The following PAX7 variants were observed in gnomAD, a reference collection of about 807,000 sequenced individuals.
PAX7 encodes the protein paired box protein Pax-7.
PAX7 carries 18 observed loss-of-function variants against 50.7 expected under a neutral mutation model. That is an observed-to-expected ratio of 0.36 (90% CI 0.25 to 0.53). PAX7 has a LOEUF of 0.53. Among genes scored for constraint, PAX7 ranks in the 20% least tolerant of loss-of-function variants. PAX7 has a pLI of 0.93. For missense variants in PAX7, 644 were observed against 702.9 expected (o/e 0.92, Z 0.95); for synonymous variants, 310 against 290.4 (o/e 1.07, Z -0.69).
chr1:18,676,671 A>G lies in PAX7; in HGVS notation c.587-15083A>G, dbSNP rs528580397. ...GTCCTTCCCCTCCCCCACAGGAAGCAGATGATCTCAGGGTGTCCTGTAGCT... is the reference window on the plus strand; with the variant it reads ...GTCCTTCCCCTCCCCCACAGGAAGCGGATGATCTCAGGGTGTCCTGTAGCT... On this transcript the variant is annotated intron_variant, in intron 4 of 8. Coordinates refer to ENST00000420770, the MANE Select transcript of PAX7 (RefSeq NM_001135254.2). 2.2e-3 allele frequency among the ~76,000 whole-genome samples: 336 copies of G among 152,310 alleles called. 2 individuals carry two copies. Among genetic ancestry groups the G allele is most frequent in the African/African-American group, 7.7e-3 (320 of 41,568 alleles).
chr1:18,727,502 C>T (rs1454480879), intron 7 of PAX7, among the ~76,000 whole-genome samples: 1 of 152,062 alleles, frequency 6.6e-6, no homozygotes, highest in East Asian at 1.9e-4. Context: ...TAGCATCAGA[C>T]CAGAAGTCGA....
chr1:18,722,158 A>G (rs1396884527), intron 7 of PAX7, among the ~76,000 whole-genome samples: 1 of 152,194 alleles, frequency 6.6e-6, no homozygotes, highest in Non-Finnish European at 1.5e-5. Context: ...GCTTAGGATT[A>G]TGGGTGGCTG....
At chr1:18,653,696 G>A (rs145196158) in intron 4 of PAX7, among the ~76,000 whole-genome samples, 19 of 152,002 alleles carry the variant, frequency 1.2e-4, no homozygotes, top group Admixed American at 2.6e-4. Context: ...GGTTCTGAAC[G>A]TATCTGCCCC....
chr1:18,654,626 G>A (rs2100463895), intron 4 of PAX7, among the ~76,000 whole-genome samples: 1 of 152,318 alleles, frequency 6.6e-6, no homozygotes, highest in African/African-American at 2.4e-5. Context: ...TGGGCTGCAA[G>A]GTAGCTTGTA....
chr1:18,710,816 T>TA (rs1427417893), intron 7 of PAX7, among the ~76,000 whole-genome samples: 2 of 152,170 alleles, frequency 1.3e-5, no homozygotes, highest in African/African-American at 4.8e-5. Context: ...ATCCTGGCAT[T>TA]ACCAGGGCGT....
rs1232288963 is a variant in PAX7, at chr1:18,636,207, T to C, written c.452-30T>C. 3 of 1,612,018 alleles carry C rather than the reference T, an allele frequency of 1.9e-6. No homozygotes were observed. Among genetic ancestry groups the C allele is most frequent in the Middle Eastern group, 1.7e-4 (1 of 6,036 alleles). On this transcript the variant is annotated intron_variant, in intron 3 of 8. Transcript: ENST00000420770. This position sits in a 1 kb window ranked among gnomAD's most constrained non-coding sequence, Gnocchi z 5.1. ...CTCGCTCCTCTGCTCCAACAACTTA[T>C]ACTTGCTCTTTTGCCTTTGAATTTC...
chr1:18,716,326 G>T (rs1263289941), intron 7 of PAX7, among the ~76,000 whole-genome samples: 1 of 152,158 alleles, frequency 6.6e-6, no homozygotes, highest in African/African-American at 2.4e-5. Flanking sequence ...GTCGCCTTCT[G>T]AGTGATAAGG....
At position 18,636,963 on chromosome 1, in the gene PAX7, G is replaced by T. The variant is rs555379358; in HGVS notation, c.586+592G>T. Reference sequence around the variant, plus strand: ...GCCAGGGCGGACTGGGGGACAGAGAGTGCCTTCCTCTGTGGCGTGCGCCGG... The same window carrying T: ...GCCAGGGCGGACTGGGGGACAGAGATTGCCTTCCTCTGTGGCGTGCGCCGG... On this transcript the variant is annotated intron_variant, in intron 4 of 8. Transcript: ENST00000420770. This position sits in a 1 kb window ranked among gnomAD's most constrained non-coding sequence, Gnocchi z 5.1. Among the ~76,000 whole-genome samples the T allele has an allele frequency of 2.4e-4, 37 of 152,320 alleles. No homozygotes were observed. In the South Asian group the frequency reaches 7.7e-3, roughly 32 times the overall value.
chr1:18,662,740 T>C (rs1470493213), intron 4 of PAX7, among the ~76,000 whole-genome samples: 1 of 152,046 alleles, frequency 6.6e-6, no homozygotes, highest in Non-Finnish European at 1.5e-5. Context: ...TCAGTTAAAT[T>C]TTTTTGTACT....
chr1:18,744,890 G>C lies in PAX7; in HGVS notation c.1479G>C (p.Val493=). 6.4e-7 allele frequency: 1 copy of C among 1,555,814 alleles called. No individual in the cohort carries two copies. The highest frequency in any genetic ancestry group is 8.7e-7 in the Non-Finnish European group (1 of 1,149,314). Reference sequence around the variant, plus strand: ...TGAAGCTCGGGGAGCACTCTGCTGTGCTGGGACTCCTGCCTGTGGAAACTG... The same window carrying C: ...TGAAGCTCGGGGAGCACTCTGCTGTCCTGGGACTCCTGCCTGTGGAAACTG... ...RRMKLGEHSA[V]LGLLPVETGQ... The change falls in exon 9 of 9, where the codon GTG becomes GTC. Residue 493 remains valine, a synonymous_variant. Coordinates refer to ENST00000420770, the MANE Select transcript of PAX7 (RefSeq NM_001135254.2).
At chr1:18,678,271 C>G (rs1369263470) in intron 4 of PAX7, among the ~76,000 whole-genome samples, 1 of 151,978 alleles carries the variant, frequency 6.6e-6, no homozygotes, top group Non-Finnish European at 1.5e-5. Flanking sequence ...ATTAGCTGAG[C>G]ATGGTGGTGC....
chr1:18,632,749 G>A lies in PAX7; in HGVS notation c.85+1061G>A, dbSNP rs2088075870. On this transcript the variant is annotated intron_variant, in intron 1 of 8. Transcript: ENST00000420770. The surrounding 1 kb of genome is among the most constrained non-coding windows in gnomAD (Gnocchi z 6.3). Reference sequence around the variant, plus strand: ...GGGTGGGCTGGCAGCCTGCGATCCGGGAGGAGCTCCCTTGGGCAGCGAGAC... The same window carrying A: ...GGGTGGGCTGGCAGCCTGCGATCCGAGAGGAGCTCCCTTGGGCAGCGAGAC... Among the ~76,000 whole-genome samples the A allele has an allele frequency of 6.6e-6, 1 of 152,042 alleles. No individual in the cohort carries two copies. Among genetic ancestry groups the A allele is most frequent in the African/African-American group, 2.4e-5 (1 of 41,406 alleles).
chr1:18,672,376 C>T (rs1426683835), intron 4 of PAX7, among the ~76,000 whole-genome samples: 1 of 151,994 alleles, frequency 6.6e-6, no homozygotes, highest in East Asian at 1.9e-4. Flanking sequence ...AAAATATCAA[C>T]TTTTTTTTGT....
rs1420064787 is a variant in PAX7 at position 18,748,063 on chromosome 1, G to A, written c.*3134G>A. Reference sequence around the variant, plus strand: ...ATTTTATACTTGATTTAGCTTTGTTGTTCTTTTGCCAGAGGAACATCAAAG... The same window carrying A: ...ATTTTATACTTGATTTAGCTTTGTTATTCTTTTGCCAGAGGAACATCAAAG... On this transcript the variant is annotated 3_prime_UTR_variant, in exon 9 of 9. Coordinates refer to ENST00000420770, the MANE Select transcript of PAX7 (RefSeq NM_001135254.2). 1.9e-5 allele frequency: 4 copies of A among 210,580 alleles called. No homozygotes were observed. Among genetic ancestry groups the A allele is most frequent in the Admixed American group, 1.2e-4 (2 of 16,952 alleles). The allele number at this position is 210,580 out of a possible 1,614,324, so 13.0% of individuals were successfully genotyped here. A position where few individuals can be genotyped will look rare whatever the true frequency, so the allele number is the denominator to read the frequency against.
rs546505981 is a variant in PAX7, at chr1:18,688,989, C to T, written c.587-2765C>T. On this transcript the variant is annotated intron_variant, in intron 4 of 8. Transcript: ENST00000420770. ...ACAAGGCTGTGCCTCCTCCATCAGACTGGGGCTTTCTGAGGGTAGGGCCTG... is the reference window on the plus strand; with the variant it reads ...ACAAGGCTGTGCCTCCTCCATCAGATTGGGGCTTTCTGAGGGTAGGGCCTG... Among the ~76,000 whole-genome samples the T allele has an allele frequency of 3.5e-3, 536 of 152,324 alleles. 1 individual carries two copies. The highest frequency in any genetic ancestry group is 0.012 in the African/African-American group (492 of 41,586).
chr1:18,712,290 C>G (rs922365056), intron 7 of PAX7, among the ~76,000 whole-genome samples: 28 of 152,062 alleles, frequency 1.8e-4, no homozygotes, highest in Admixed American at 1.8e-3. Flanking sequence ...TAACCCACCT[C>G]AGTGGGAAAC....
rs370638025 is a variant in PAX7 at position 18,735,891 on chromosome 1, T to C, written c.1402+13T>C. 8 of 1,613,868 alleles carry C rather than the reference T, an allele frequency of 5.0e-6. No individual in the cohort carries two copies. Among genetic ancestry groups the C allele is most frequent in the Non-Finnish European group, 6.8e-6 (8 of 1,180,002 alleles). On this transcript the variant is annotated intron_variant, in intron 8 of 8. Coordinates refer to ENST00000420770, the MANE Select transcript of PAX7 (RefSeq NM_001135254.2). This position sits in a 1 kb window ranked among gnomAD's most constrained non-coding sequence, Gnocchi z 4.0. Reference sequence around the variant, plus strand: ...CAGTACGGCCAGAGTGAGTGCCTGGTGCCCTGGGCGTCCCCCGTCCCCATT... The same window carrying C: ...CAGTACGGCCAGAGTGAGTGCCTGGCGCCCTGGGCGTCCCCCGTCCCCATT...
chr1:18,708,764 G>A (rs2089314550), intron 7 of PAX7, among the ~76,000 whole-genome samples: 1 of 152,000 alleles, frequency 6.6e-6, no homozygotes, highest in Admixed American at 6.6e-5. Context: ...CTCCAGTCTG[G>A]TGGGGAAGAC....
chr1:18,631,313 G>C lies in PAX7; in HGVS notation c.-291G>C, dbSNP rs1008963630. 3.0e-5 allele frequency: 10 copies of C among 328,338 alleles called. No individual in the cohort carries two copies. Among genetic ancestry groups the C allele is most frequent in the Non-Finnish European group, 4.5e-5 (8 of 177,940 alleles). 20.3% of individuals were successfully genotyped at this position (328,338 alleles called of 1,614,324 possible). A position where few individuals can be genotyped will look rare whatever the true frequency, so the allele number is the denominator to read the frequency against. ...GCACAACTTCTGGCCGAGGCCAGCC[G>C]GCAGAGGCGGACTTGGGGTTGGAGT... On this transcript the variant is annotated 5_prime_UTR_variant, in exon 1 of 9. Coordinates refer to ENST00000420770, the MANE Select transcript of PAX7 (RefSeq NM_001135254.2).
Sources: gnomAD v4.1 joint callset for allele counts (sites outside exome capture counted in the v4.1 genomes callset) on GRCh38, gnomAD v4.1.1 for gene constraint, Gnocchi (gnomAD v3.1) non-coding constraint, MANE v1.5 for transcripts, NCBI Gene and HGNC (gene_info 2026-07-23, HGNC 2026-07-21) for gene names.